CABCOCO1: variants seen among roughly 807,000 people sequenced by gnomAD.
CABCOCO1 encodes the protein ciliary-associated calcium-binding coiled-coil protein 1.
In CABCOCO1, 28 loss-of-function variants were observed where a neutral mutation model predicts 35.7. The ratio of observed to expected loss-of-function variants is 0.78; its 90% CI spans 0.58 to 1.07. CABCOCO1 has a LOEUF of 1.07. Among genes scored for constraint, CABCOCO1 ranks in the 50% least tolerant of loss-of-function variants. The pLI is 0.00. For synonymous variants in CABCOCO1, 95 were observed against 100.1 expected (o/e 0.95, Z 0.30); for missense variants, 326 against 309.2 (o/e 1.05, Z -0.41).
At chr10:61,691,684 C>T (rs1274888838) in intron 5 of CABCOCO1, among the ~76,000 whole-genome samples, 1 of 152,002 alleles carries the variant, frequency 6.6e-6, no homozygotes, top group African/African-American at 2.4e-5. Context: ...TGATGTTCCC[C>T]TCCCTGTGCC....
chr10:61,690,608 T>A lies in CABCOCO1; in HGVS notation c.539T>A (p.Val180Glu). The change falls in exon 5 of 8, where the codon GTG (valine) becomes GAG (glutamate). Residue 180 changes from valine to glutamate, a missense_variant. Physicochemically the swap from Val to Glu is moderately radical, Grantham distance 121. Coordinates refer to ENST00000648843, the MANE Select transcript of CABCOCO1 (RefSeq NM_001366906.2). ...FMFYSAREEIVIGTEQVIEVV... is the reference protein window; with the variant it reads ...FMFYSAREEIEIGTEQVIEVV... Reference sequence around the variant, plus strand: ...TTCTACTCTGCCAGGGAAGAAATTGTGATAGGAACTGAGGTAAGTAATTTA... The same window carrying A: ...TTCTACTCTGCCAGGGAAGAAATTGAGATAGGAACTGAGGTAAGTAATTTA... 1.3e-6 allele frequency: 2 copies of A among 1,597,924 alleles called. No homozygotes were observed. The highest frequency in any genetic ancestry group is 1.7e-6 in the Non-Finnish European group (2 of 1,166,320).
At chr10:61,735,652 G>A (rs1841400124) in intron 5 of CABCOCO1, among the ~76,000 whole-genome samples, 1 of 152,092 alleles carries the variant, frequency 6.6e-6, no homozygotes, top group African/African-American at 2.4e-5. Flanking sequence ...ATTTCCCTCT[G>A]TATTTCTTCT....
intron 2 of CABCOCO1, among the ~76,000 whole-genome samples, chr10:61,674,496 A>C (rs184025518): frequency 2.6e-5 from 4 of 152,266 alleles, no homozygotes; most frequent in Non-Finnish European, 5.9e-5. Context: ...TGATTTTCGT[A>C]ATGGTAATCC....
chr10:61,694,784 G>A (rs1240662218), intron 5 of CABCOCO1, among the ~76,000 whole-genome samples: 1 of 152,064 alleles, frequency 6.6e-6, no homozygotes, highest in East Asian at 1.9e-4. Context: ...TGGTAGACAC[G>A]TGGAGCTAGG....
At chr10:61,761,346 C>A (rs1180264633) in intron 7 of CABCOCO1, among the ~76,000 whole-genome samples, 2 of 152,066 alleles carry the variant, frequency 1.3e-5, no homozygotes, top group African/African-American at 2.4e-5. Flanking sequence ...CACTGAAGAT[C>A]AAACCTTAAT....
Position 61,680,702 on chromosome 10 carries a change from G to C in CABCOCO1, c.165-441G>C, listed in dbSNP as rs1399223300. On this transcript the variant is annotated intron_variant, in intron 2 of 7. Coordinates refer to ENST00000648843, the MANE Select transcript of CABCOCO1 (RefSeq NM_001366906.2). ...TGTTATACATGTATAACATATATAT[G>C]TTATACATGTATAACATATATATTA... 1.6e-4 allele frequency among the ~76,000 whole-genome samples: 13 copies of C among 81,172 alleles called. 1 individual carries two copies. Among genetic ancestry groups the C allele is most frequent in the Non-Finnish European group, 2.3e-4 (10 of 44,006 alleles). 53.3% of individuals were successfully genotyped at this position (81,172 alleles called of 152,430 possible). A position where few individuals can be genotyped will look rare whatever the true frequency, so the allele number is the denominator to read the frequency against.
intron 5 of CABCOCO1, among the ~76,000 whole-genome samples, chr10:61,695,582 A>C (rs995315751): frequency 6.6e-6 from 1 of 152,044 alleles, no homozygotes; most frequent in Admixed American, 6.6e-5. Context: ...ATTATAGTAA[A>C]ATTTCTAAAA....
rs72288380 is a variant in CABCOCO1 at position 61,677,064 on chromosome 10, C to CAAA, written c.165-4075_165-4073dup. On this transcript the variant is annotated intron_variant, in intron 2 of 7. Transcript: ENST00000648843. ...GGGCAAAAAGAGTGAGACTCTGTCT[C>CAAA]AAAAAATAATAATAATAATAATAAT... is the stretch of plus-strand genomic sequence containing the variant. Among the ~76,000 whole-genome samples the CAAA allele has an allele frequency of 7.7e-5, 11 of 142,006 alleles. No individual in the cohort carries two copies. In the East Asian group the frequency reaches 1.8e-3, roughly 23 times the overall value. 93.2% of individuals were successfully genotyped at this position (142,006 alleles called of 152,430 possible).
rs140835427 is a variant in CABCOCO1, at chr10:61,743,708, T to C, written c.553-16351T>C. 4.6e-5 allele frequency among the ~76,000 whole-genome samples: 7 copies of C among 152,288 alleles called. No homozygotes were observed. The East Asian group carries it at 1.3e-3, about 29-fold the overall frequency. On this transcript the variant is annotated intron_variant, in intron 5 of 7. Transcript: ENST00000648843. ...CTAGAATGTTCTCCGTATGTATCTG[T>C]TCATTTGTATATGCCACTTCCTCTG...
intron 5 of CABCOCO1, among the ~76,000 whole-genome samples, chr10:61,733,116 A>G (rs1171308964): frequency 6.6e-6 from 1 of 152,044 alleles, no homozygotes; most frequent in Non-Finnish European, 1.5e-5. Flanking sequence ...TACCATTTAC[A>G]TATGCTTTTT....
At chr10:61,735,571 G>A (rs1841398275) in intron 5 of CABCOCO1, among the ~76,000 whole-genome samples, 1 of 152,134 alleles carries the variant, frequency 6.6e-6, no homozygotes, top group Non-Finnish European at 1.5e-5. Context: ...TCACCTTATA[G>A]ATGTGAATGT....
intron 3 of CABCOCO1, 120 bp downstream of exon 3, chr10:61,681,432 T>C: frequency 1.4e-6 from 1 of 704,292 alleles, no homozygotes. Context: ...GGGTTTTTCC[T>C]GAGTATAACA....
At chr10:61,666,151 C>T (rs1019204417) in intron 1 of CABCOCO1, among the ~76,000 whole-genome samples, 2 of 152,118 alleles carry the variant, frequency 1.3e-5, no homozygotes, top group African/African-American at 4.8e-5. Context: ...TCAACATATC[C>T]TGGAGCAGGC....
chr10:61,695,283 T>C (rs1840265322), intron 5 of CABCOCO1, among the ~76,000 whole-genome samples: 1 of 150,272 alleles, frequency 6.7e-6, no homozygotes, highest in Non-Finnish European at 1.5e-5. Context: ...ATTGATAAAG[T>C]GGAAGATAAA....
At chr10:61,697,241 A>G (rs979957800) in intron 5 of CABCOCO1, among the ~76,000 whole-genome samples, 1 of 152,114 alleles carries the variant, frequency 6.6e-6, no homozygotes, top group African/African-American at 2.4e-5. Flanking sequence ...TAAAAATTGC[A>G]GAAGGTAAAT....
At chr10:61,663,797 A>G (rs770943528) in intron 1 of CABCOCO1, among the ~76,000 whole-genome samples, 2 of 150,178 alleles carry the variant, frequency 1.3e-5, no homozygotes, top group Non-Finnish European at 3.0e-5. Flanking sequence ...TGAGATTTTA[A>G]GAACACATCT....
intron 5 of CABCOCO1, among the ~76,000 whole-genome samples, chr10:61,694,984 T>C (rs1302504706): frequency 6.6e-6 from 1 of 152,072 alleles, no homozygotes; most frequent in Non-Finnish European, 1.5e-5. Context: ...TAAAATAAAA[T>C]CATGTTACAC....
chr10:61,699,220 G>T (rs544599047), intron 5 of CABCOCO1, among the ~76,000 whole-genome samples: 2 of 152,072 alleles, frequency 1.3e-5, no homozygotes, highest in Non-Finnish European at 2.9e-5. Context: ...TAAAGAAAAT[G>T]GTTGATGCTT....
intron 5 of CABCOCO1, among the ~76,000 whole-genome samples, chr10:61,733,387 T>C (rs1394100930): frequency 1.3e-5 from 2 of 152,056 alleles, no homozygotes; most frequent in Non-Finnish European, 2.9e-5. Context: ...ATATTTACCA[T>C]ATGTGAAGTC....
Sources: allele counts gnomAD v4.1 joint callset (sites outside exome capture counted in the v4.1 genomes callset), GRCh38; gene constraint gnomAD v4.1.1; transcripts MANE v1.5; gene names NCBI Gene and HGNC (gene_info 2026-07-23, HGNC 2026-07-21).